The following TMC1 variants were observed in gnomAD, a reference collection of about 807,000 sequenced individuals.
TMC1 encodes the protein transmembrane channel-like protein 1.
In TMC1, 84 loss-of-function variants were observed where a neutral mutation model predicts 105.8. That is an observed-to-expected ratio of 0.79 (90% CI 0.67 to 0.95). TMC1 has a LOEUF of 0.95. Among genes scored for constraint, TMC1 ranks in the 40% least tolerant of loss-of-function variants. TMC1 has a pLI of 0.00. For missense variants in TMC1, 817 were observed against 914.1 expected, an observed-to-expected ratio of 0.89 and a Z score of 1.37; for synonymous variants, 315 against 311.5, an observed-to-expected ratio of 1.01 and a Z score of -0.12.
intron 2 of TMC1, among the ~76,000 whole-genome samples, chr9:72,597,047 G>A (rs1315948909): frequency 3.3e-5 from 5 of 152,190 alleles, no homozygotes; most frequent in South Asian, 2.1e-4. Context: ...GACTGCTGAG[G>A]GCTTTGCTGC....
Position 72,791,999 on chromosome 9 carries a change from T to C in TMC1, c.1338T>C (p.Ile446=), listed in dbSNP as rs1250372748. Residue 446 remains isoleucine, a synonymous_variant, in exon 16 of 24, where the codon ATT becomes ATC. Transcript: ENST00000297784. ...LIALKWLLGR[I]FALLLGNLYV... ...CTTTGAAATGGCTACTGGGACGCATTTTTGCTCTTCTTTTAGGCAATTTAT... is the reference window on the plus strand; with the variant it reads ...CTTTGAAATGGCTACTGGGACGCATCTTTGCTCTTCTTTTAGGCAATTTAT... 6.2e-7 allele frequency: 1 copy of C among 1,614,116 alleles called. No homozygotes were observed. Among genetic ancestry groups the C allele is most frequent in the South Asian group, 1.1e-5 (1 of 91,076 alleles).
chr9:72,647,804 G>A (rs1397170256), intron 4 of TMC1, among the ~76,000 whole-genome samples: 1 of 140,390 alleles, frequency 7.1e-6, no homozygotes, highest in Non-Finnish European at 1.6e-5. Context: ...CTCTTGCCAA[G>A]GTTAGTGCAG....
At chr9:72,671,591 CAAAGA>C (rs1049921353) in intron 5 of TMC1, among the ~76,000 whole-genome samples, 2 of 151,866 alleles carry the variant, frequency 1.3e-5, no homozygotes, top group African/African-American at 4.8e-5. Flanking sequence ...AAAGCAAAAA[CAAAGA>C]AGAGATGGGA....
At chr9:72,719,308 T>C (rs962643246) in intron 8 of TMC1, among the ~76,000 whole-genome samples, 6 of 152,204 alleles carry the variant, frequency 3.9e-5, no homozygotes, top group African/African-American at 1.4e-4. Context: ...CAAGGACTCC[T>C]GTGAGACAAG....
chr9:72,634,743 C>G lies in TMC1; in HGVS notation c.-53+6680C>G, dbSNP rs140265310. 5.1e-4 allele frequency among the ~76,000 whole-genome samples: 78 copies of G among 152,310 alleles called. 2 individuals carry two copies. The highest frequency in any genetic ancestry group is 1.3e-3 in the African/African-American group (53 of 41,554). On this transcript the variant is annotated intron_variant, in intron 4 of 23. Coordinates refer to ENST00000297784, the MANE Select transcript of TMC1 (RefSeq NM_138691.3). ...TTAAAGGTTCACAGGACCTCCTCCT[C>G]AGATTTGACCATTTGCTAGAATGGT...
At chr9:72,672,975 A>G (rs1826147466) in intron 5 of TMC1, among the ~76,000 whole-genome samples, 1 of 152,184 alleles carries the variant, frequency 6.6e-6, no homozygotes, top group Non-Finnish European at 1.5e-5. Flanking sequence ...GCCATAAATA[A>G]ATCTCAACAG....
chr9:72,813,973 A>T (rs1007230408), intron 18 of TMC1, among the ~76,000 whole-genome samples: 4 of 152,180 alleles, frequency 2.6e-5, no homozygotes, highest in Non-Finnish European at 5.9e-5. Flanking sequence ...CTGCAAACAC[A>T]GCAGGAAGCT....
At chr9:72,547,635 G>A (rs528772234) in intron 1 of TMC1, among the ~76,000 whole-genome samples, 2 of 152,112 alleles carry the variant, frequency 1.3e-5, no homozygotes, top group Non-Finnish European at 2.9e-5. Context: ...CAAATTTGCT[G>A]TTCTCAAAAT....
At chr9:72,694,764 A>T in intron 7 of TMC1, 50 bp downstream of exon 7, 1 of 1,554,676 alleles carries the variant, frequency 6.4e-7, no homozygotes, top group Non-Finnish European at 8.7e-7. Flanking sequence ...GAAGAAGATC[A>T]CTCCTTTCAG....
chr9:72,728,775 A>C (rs1177571802), intron 8 of TMC1, among the ~76,000 whole-genome samples: 1 of 152,136 alleles, frequency 6.6e-6, no homozygotes, highest in Non-Finnish European at 1.5e-5. Context: ...TAATACTAAC[A>C]AAAAGAATGT....
rs372785242 is a variant in TMC1 at position 72,607,002 on chromosome 9, T to TATATAGAG, written c.-305-9365_-305-9364insTATAGAGA. Among the ~76,000 whole-genome samples, 462 of 134,960 alleles carry TATATAGAG rather than the reference T, an allele frequency of 3.4e-3. 2 individuals carry two copies. The highest frequency in any genetic ancestry group is 8.7e-3 in the African/African-American group (310 of 35,758). The allele number at this position is 134,960 out of a possible 152,430, so 88.5% of individuals were successfully genotyped here. A position where few individuals can be genotyped will look rare whatever the true frequency, so the allele number is the denominator to read the frequency against. On this transcript the variant is annotated intron_variant, in intron 2 of 23. Coordinates refer to ENST00000297784, the MANE Select transcript of TMC1 (RefSeq NM_138691.3). ...GTGTGCATATATATATATATATATA[T>TATATAGAG]AGAGAGAGAGAGAGAGAGAGAGAGA...
chr9:72,692,661 C>T (rs2132187665), intron 6 of TMC1, among the ~76,000 whole-genome samples: 1 of 152,156 alleles, frequency 6.6e-6, no homozygotes, highest in Middle Eastern at 3.4e-3. Context: ...AGTTTTTGTC[C>T]TTTCTTTAAT....
chr9:72,660,237 G>A (rs915534585), intron 5 of TMC1, among the ~76,000 whole-genome samples: 4 of 151,968 alleles, frequency 2.6e-5, no homozygotes, highest in African/African-American at 9.7e-5. Flanking sequence ...TTCACTTCAT[G>A]GACAATATTG....
chr9:72,776,547 CTAT>C (rs1828008143), intron 13 of TMC1, among the ~76,000 whole-genome samples: 1 of 152,150 alleles, frequency 6.6e-6, no homozygotes, highest in South Asian at 2.1e-4. Flanking sequence ...GGTCATTTGA[CTAT>C]AAGACCTCTT....
chr9:72,612,565 T>C (rs1419867596), intron 2 of TMC1, among the ~76,000 whole-genome samples: 1 of 152,116 alleles, frequency 6.6e-6, no homozygotes, highest in Non-Finnish European at 1.5e-5. Flanking sequence ...AACTCTGCTA[T>C]CTCAGTGAGA....
intron 1 of TMC1, among the ~76,000 whole-genome samples, chr9:72,529,666 T>C (rs910712160): frequency 6.6e-5 from 10 of 151,582 alleles, no homozygotes; most frequent in Non-Finnish European, 1.5e-5. Flanking sequence ...CTTGTTTCTC[T>C]GTTTTTTTTT....
chr9:72,605,106 G>C (rs1824884744), intron 2 of TMC1, among the ~76,000 whole-genome samples: 7 of 152,110 alleles, frequency 4.6e-5, no homozygotes, highest in Admixed American at 4.6e-4. Context: ...CAACAAAATT[G>C]TCTAACATAC....
In TMC1 at chr9:72,648,648, G is replaced by T. The variant is rs765021495; in HGVS notation, c.-1G>T. 2 of 1,613,318 alleles carry T rather than the reference G, an allele frequency of 1.2e-6. No homozygotes were observed. Among genetic ancestry groups the T allele is most frequent in the Non-Finnish European group, 1.7e-6 (2 of 1,179,390 alleles). On this transcript the variant is annotated 5_prime_UTR_variant, in exon 5 of 24. Coordinates refer to ENST00000297784, the MANE Select transcript of TMC1 (RefSeq NM_138691.3). ...AGACCTTCTGACAGGACACCCCCAGGATGTCACCCAAAAAAGGTATTTACA... is the reference window on the plus strand; with the variant it reads ...AGACCTTCTGACAGGACACCCCCAGTATGTCACCCAAAAAAGGTATTTACA...
chr9:72,816,064 C>A, intron 18 of TMC1, 79 bp from the exon 19 acceptor site: 1 of 1,248,898 alleles, frequency 8.0e-7, no homozygotes, highest in Non-Finnish European at 1.2e-6. Flanking sequence ...GAAACCCTAG[C>A]CATGCCTATG....
Sources: allele counts gnomAD v4.1 joint callset (sites outside exome capture counted in the v4.1 genomes callset), GRCh38; gene constraint gnomAD v4.1.1; transcripts MANE v1.5; gene names NCBI Gene and HGNC (gene_info 2026-07-23, HGNC 2026-07-21).